The following KCNQ3 variants were observed in gnomAD, a reference collection of about 807,000 sequenced individuals.
KCNQ3 encodes the protein potassium voltage-gated channel subfamily Q member 3.
In KCNQ3, 30 loss-of-function variants were observed where a neutral mutation model predicts 92.5. The ratio of observed to expected loss-of-function variants is 0.32; its 90% CI spans 0.24 to 0.44. The LOEUF is 0.44. KCNQ3 is among the 20% of genes least tolerant of loss of function. The pLI is 1.00. For missense variants in KCNQ3, 913 were observed against 1,140.3 expected, an observed-to-expected ratio of 0.80 and a Z score of 2.87; for synonymous variants, 450 against 468.8, an observed-to-expected ratio of 0.96 and a Z score of 0.52.
intron 1 of KCNQ3, among the ~76,000 whole-genome samples, chr8:132,428,025 C>A (rs897009832): frequency 1.3e-5 from 2 of 152,278 alleles, no homozygotes; most frequent in East Asian, 3.9e-4. Flanking sequence ...CCTTGTCTTC[C>A]CAGTGCATCA....
chr8:132,194,748 T>C (rs1254305985), intron 1 of KCNQ3, among the ~76,000 whole-genome samples: 1 of 152,230 alleles, frequency 6.6e-6, no homozygotes, highest in Non-Finnish European at 1.5e-5. Context: ...TTTCAAAAAT[T>C]TGATTAGCTG....
intron 1 of KCNQ3, among the ~76,000 whole-genome samples, chr8:132,212,172 T>C (rs187409842): frequency 3.1e-4 from 47 of 152,086 alleles, no homozygotes; most frequent in Middle Eastern, 3.4e-3. Context: ...ACCCTGATTA[T>C]ATTTGACTCA....
intron 1 of KCNQ3, among the ~76,000 whole-genome samples, chr8:132,359,181 G>C (rs914824792): frequency 6.6e-6 from 1 of 151,676 alleles, no homozygotes; most frequent in African/African-American, 2.4e-5. Flanking sequence ...TTTAACGGTA[G>C]TGGGGTACCC....
intron 1 of KCNQ3, among the ~76,000 whole-genome samples, chr8:132,254,246 C>G (rs1435519606): frequency 6.6e-6 from 1 of 152,114 alleles, no homozygotes; most frequent in East Asian, 1.9e-4. Context: ...GCATGTTCTC[C>G]CTATAAACTG....
intron 1 of KCNQ3, chr8:132,447,182 T>A: frequency 6.5e-7 from 1 of 1,533,230 alleles, no homozygotes; most frequent in Middle Eastern, 1.7e-4. Flanking sequence ...ATCCCCAAAA[T>A]GAGAATCCAA....
intron 1 of KCNQ3, among the ~76,000 whole-genome samples, chr8:132,329,959 A>G (rs1020761409): frequency 2.0e-5 from 3 of 152,184 alleles, no homozygotes; most frequent in African/African-American, 4.8e-5. Context: ...CCCAAAATAT[A>G]GGTCTACACC....
At chr8:132,170,520 G>A (rs1260745783) in intron 7 of KCNQ3, 92 bp from the exon 8 acceptor site, 9 of 815,512 alleles carry the variant, frequency 1.1e-5, no homozygotes, top group Admixed American at 7.7e-5. Context: ...TTTAAGCCCT[G>A]GACTCCTAAG....
chr8:132,359,808 G>T (rs553121105), intron 1 of KCNQ3, among the ~76,000 whole-genome samples: 52 of 152,310 alleles, frequency 3.4e-4, no homozygotes, highest in African/African-American at 1.2e-3. Context: ...TGCCTGGCAG[G>T]TGAATAAGAT....
chr8:132,233,982 CA>C (rs1563817038), intron 1 of KCNQ3, among the ~76,000 whole-genome samples: 3 of 152,110 alleles, frequency 2.0e-5, no homozygotes, highest in African/African-American at 4.8e-5. Flanking sequence ...TTGTCCAAAC[CA>C]GACCACTTTG....
chr8:132,344,497 A>T (rs571798672), intron 1 of KCNQ3, among the ~76,000 whole-genome samples: 1 of 152,318 alleles, frequency 6.6e-6, no homozygotes, highest in African/African-American at 2.4e-5. Flanking sequence ...CTATGTATTA[A>T]CTCTGACTCC....
chr8:132,354,367 C>A (rs545191475), intron 1 of KCNQ3, among the ~76,000 whole-genome samples: 5 of 152,176 alleles, frequency 3.3e-5, no homozygotes, highest in Non-Finnish European at 7.3e-5. Flanking sequence ...CGATATCAGA[C>A]AATACATCCA....
intron 1 of KCNQ3, among the ~76,000 whole-genome samples, chr8:132,352,005 A>C (rs1223835967): frequency 1.3e-5 from 2 of 152,180 alleles, no homozygotes; most frequent in Admixed American, 6.5e-5. Context: ...ATTATAGCTC[A>C]CAAGTGTGCA....
chr8:132,183,173 T>C (rs1456604848), intron 3 of KCNQ3, among the ~76,000 whole-genome samples: 1 of 152,166 alleles, frequency 6.6e-6, no homozygotes, highest in Non-Finnish European at 1.5e-5. Context: ...ATGAGTAGCA[T>C]GCTCAGAGGA....
At chr8:132,345,989 G>A (rs1028298434) in intron 1 of KCNQ3, among the ~76,000 whole-genome samples, 3 of 151,768 alleles carry the variant, frequency 2.0e-5, no homozygotes, top group African/African-American at 7.3e-5. Flanking sequence ...GTATTATGAT[G>A]GGATGGTGAT....
chr8:132,244,859 ATTAT>A (rs1439110299), intron 1 of KCNQ3, among the ~76,000 whole-genome samples: 1 of 146,272 alleles, frequency 6.8e-6, no homozygotes, highest in East Asian at 2.1e-4. Flanking sequence ...AAGTCTTTTC[ATTAT>A]TTATAGAAGC....
At chr8:132,241,607 G>A (rs1348467242) in intron 1 of KCNQ3, among the ~76,000 whole-genome samples, 1 of 152,140 alleles carries the variant, frequency 6.6e-6, no homozygotes. Flanking sequence ...GCCGAGGCGG[G>A]CAGATCATCT....
At chr8:132,283,765 C>T (rs1816601321) in intron 1 of KCNQ3, among the ~76,000 whole-genome samples, 1 of 152,222 alleles carries the variant, frequency 6.6e-6, no homozygotes, top group East Asian at 1.9e-4. Flanking sequence ...CTGTTACACA[C>T]TTAGTTCTAT....
chr8:132,319,640 C>T (rs1817843903), intron 1 of KCNQ3, among the ~76,000 whole-genome samples: 1 of 152,170 alleles, frequency 6.6e-6, no homozygotes, highest in South Asian at 2.1e-4. Context: ...GCTGCCACGA[C>T]GAAGCAGCCG....
intron 1 of KCNQ3, among the ~76,000 whole-genome samples, chr8:132,278,522 G>C (rs1816413801): frequency 6.6e-6 from 1 of 152,186 alleles, no homozygotes; most frequent in Non-Finnish European, 1.5e-5. Flanking sequence ...AGGGACCCTT[G>C]AGTCAGACCT....
Sources: gnomAD v4.1 joint callset for allele counts (sites outside exome capture counted in the v4.1 genomes callset) on GRCh38, gnomAD v4.1.1 for gene constraint, MANE v1.5 for transcripts, NCBI Gene and HGNC (gene_info 2026-07-23, HGNC 2026-07-21) for gene names.